TBC1D16: variants seen among roughly 807,000 people sequenced by gnomAD.
TBC1D16 encodes the protein CTD-2529O21.1.
In TBC1D16, 58 loss-of-function variants were observed where a neutral mutation model predicts 74.7. The observed-to-expected ratio is 0.78, with a 90% CI of 0.63 to 0.97. The LOEUF (loss-of-function observed/expected upper bound fraction) is 0.97. Ranked by LOEUF, TBC1D16 falls within the 50% of genes least tolerant of loss-of-function variation. The probability of loss-of-function intolerance (pLI) is 0.00; values close to 1 mark genes in which losing one functional copy is unlikely to be tolerated. For synonymous variants in TBC1D16, 493 were observed against 474.7 expected (o/e 1.04, Z -0.50); for missense variants, 1,014 against 1,079.5 (o/e 0.94, Z 0.85).
chr17:79,942,161 A>AGATGGCCAC lies in TBC1D16; in HGVS notation c.1945_1953dup (p.Val649_Ile651dup). 1.2e-6 allele frequency: 2 copies of AGATGGCCAC among 1,609,526 alleles called. No individual in the cohort carries two copies. The highest frequency in any genetic ancestry group is 1.7e-6 in the Non-Finnish European group (2 of 1,178,342). On this transcript the variant is annotated inframe_insertion, in exon 11 of 12. Transcript: ENST00000310924. ...TGCTGCTCGATGACGTCATCCCCGT[A>AGATGGCCAC]GATGGCCACGATGGCCACGCAGATG...
intron 3 of TBC1D16, among the ~76,000 whole-genome samples, chr17:80,002,293 C>T (rs768752314): frequency 3.3e-5 from 5 of 152,212 alleles, no homozygotes; most frequent in African/African-American, 7.2e-5. Context: ...TGAACGATAA[C>T]GCCGTTAATA....
rs2035480242 is a variant in TBC1D16, at chr17:80,001,409, C to T, written c.779+8751G>A. ...TTTTAAAGAAATAAATCTCAGCTCCCGGTTACAGAAGCACAAACAAACCCA... is the reference window on the plus strand; with the variant it reads ...TTTTAAAGAAATAAATCTCAGCTCCTGGTTACAGAAGCACAAACAAACCCA... On this transcript the variant is annotated intron_variant, in intron 3 of 11. Coordinates refer to ENST00000310924, the MANE Select transcript of TBC1D16 (RefSeq NM_019020.4). This position sits in a 1 kb window ranked among gnomAD's most constrained non-coding sequence, Gnocchi z 5.8. Among the ~76,000 whole-genome samples, 1 of 152,162 alleles carries T rather than the reference C, an allele frequency of 6.6e-6. No homozygotes were observed. The highest frequency in any genetic ancestry group is 1.5e-5 in the Non-Finnish European group (1 of 68,032).
rs2034947790 is a variant in TBC1D16 at position 79,988,768 on chromosome 17, A to C, written c.779+21392T>G. Among the ~76,000 whole-genome samples the C allele has an allele frequency of 6.6e-6, 1 of 152,226 alleles. No homozygotes were observed. The highest frequency in any genetic ancestry group is 1.5e-5 in the Non-Finnish European group (1 of 68,042). ...TTAGAAGGCCCCTGCTTGTTTTATCAGTTAGAGCCACAGAAAATCAAAGTC... is the reference window on the plus strand; with the variant it reads ...TTAGAAGGCCCCTGCTTGTTTTATCCGTTAGAGCCACAGAAAATCAAAGTC... On this transcript the variant is annotated intron_variant, in intron 3 of 11. Transcript: ENST00000310924. This position sits in a 1 kb window ranked among gnomAD's most constrained non-coding sequence, Gnocchi z 5.7.
At chr17:79,953,481 G>A (rs1383993229) in intron 3 of TBC1D16, among the ~76,000 whole-genome samples, 1 of 152,170 alleles carries the variant, frequency 6.6e-6, no homozygotes, top group Non-Finnish European at 1.5e-5. Flanking sequence ...ATGAATAGTG[G>A]TATTACCCCA....
intron 9 of TBC1D16, among the ~76,000 whole-genome samples, chr17:79,947,087 C>T (rs1224986897): frequency 1.3e-5 from 2 of 152,202 alleles, no homozygotes; most frequent in African/African-American, 4.8e-5. Context: ...GGCTCAGCCC[C>T]ACCACCGACA....
intron 8 of TBC1D16, among the ~76,000 whole-genome samples, chr17:79,948,294 CAG>C (rs1296423447): frequency 7.4e-6 from 1 of 135,350 alleles, no homozygotes; most frequent in African/African-American, 2.8e-5. Context: ...GTCTGGATGA[CAG>C]AGCGAGACTC....
In TBC1D16 at chr17:79,936,922, G is replaced by GTGTGTGTGTA. The variant is rs1426315691; in HGVS notation, c.*3936_*3937insTACACACACA. On this transcript the variant is annotated 3_prime_UTR_variant, in exon 12 of 12. Coordinates refer to ENST00000310924, the MANE Select transcript of TBC1D16 (RefSeq NM_019020.4). ...TGTGTGCATGTGCGTGTGTGTGTGTGTGTGTGTGTGTGTGTGTGCGCATTT... is the reference window on the plus strand; with the variant it reads ...TGTGTGCATGTGCGTGTGTGTGTGTGTGTGTGTGTATGTGTGTGTGTGTGTGTGCGCATTT... 1 of 152,032 alleles carries GTGTGTGTGTA rather than the reference G, an allele frequency of 6.6e-6. No homozygotes were observed. Among genetic ancestry groups the GTGTGTGTGTA allele is most frequent in the African/African-American group, 2.5e-5 (1 of 40,632 alleles). The allele number at this position is 152,032 out of a possible 1,614,324, so 9.4% of individuals were successfully genotyped here.
In TBC1D16 at chr17:79,952,611, A is replaced by G. The variant is rs763171734; in HGVS notation, c.941+46T>C. On this transcript the variant is annotated intron_variant, in intron 4 of 11. Coordinates refer to ENST00000310924, the MANE Select transcript of TBC1D16 (RefSeq NM_019020.4). ...TGCAAAGCCCAGGCTGCCAGGGAAA[A>G]CACACACAGGCCAACTCCCAGGAGG... 17 of 1,548,408 alleles carry G rather than the reference A, an allele frequency of 1.1e-5. No individual in the cohort carries two copies. In the East Asian group the frequency reaches 3.9e-4, roughly 35 times the overall value.
intron 1 of TBC1D16, among the ~76,000 whole-genome samples, chr17:80,015,327 G>A (rs1320580214): frequency 2.0e-5 from 3 of 152,160 alleles, no homozygotes; most frequent in East Asian, 1.9e-4. Flanking sequence ...CCAGCTACTC[G>A]GGAGGGTGAG....
Position 79,950,573 on chromosome 17 carries a change from G to T in TBC1D16, c.1095C>A (p.Val365=). The T allele has an allele frequency of 6.2e-7, 1 of 1,611,756 alleles. No homozygotes were observed. Residue 365 remains valine, a synonymous_variant, in exon 6 of 12, where the codon GTC becomes GTA. Transcript: ENST00000310924. This position sits in a 1 kb window ranked among gnomAD's most constrained non-coding sequence, Gnocchi z 4.6. The part of the protein sequence containing the change: ...CTEMQLKDQQ[V]APDKTCMQFS... ...ACTGCATGCATGTCTTATCGGGGGC[G>T]ACCTGCTGGACGGGAGGAAAACTGG...
At position 79,950,515 on chromosome 17, in the gene TBC1D16, C is replaced by T. The variant is rs756823747; in HGVS notation, c.1153G>A (p.Glu385Lys). ...SIRRPKLPSS[E>K]THPEESMYKR... is the part of the protein sequence containing the mutation. ...TACATGCTCTCCTCGGGGTGCGTCTCGGAGGACGGCAGCTTGGGGCGGCGG... is the reference window on the plus strand; with the variant it reads ...TACATGCTCTCCTCGGGGTGCGTCTTGGAGGACGGCAGCTTGGGGCGGCGG... The change falls in exon 6 of 12, where the codon GAG becomes AAG. Residue 385 changes from glutamate (E) to lysine (K), a missense_variant. Transcript: ENST00000310924. The surrounding 1 kb of genome is among the most constrained non-coding windows in gnomAD (Gnocchi z 4.6). The T allele has an allele frequency of 3.1e-6, 5 of 1,613,318 alleles. No homozygotes were observed. In the East Asian group the frequency reaches 1.1e-4, roughly 36 times the overall value.
At chr17:80,015,767 T>G (rs1453284161) in intron 1 of TBC1D16, among the ~76,000 whole-genome samples, 1 of 151,858 alleles carries the variant, frequency 6.6e-6, no homozygotes, top group East Asian at 1.9e-4. Flanking sequence ...TCCCAGCACT[T>G]TGGGAGGCCG....
intron 3 of TBC1D16, among the ~76,000 whole-genome samples, chr17:79,958,985 A>T (rs1331218460): frequency 6.6e-6 from 1 of 152,256 alleles, no homozygotes; most frequent in Non-Finnish European, 1.5e-5. Context: ...ACAACTGTTC[A>T]TCTGAAAAAC....
chr17:79,957,681 C>T (rs2033398093), intron 3 of TBC1D16, among the ~76,000 whole-genome samples: 1 of 151,392 alleles, frequency 6.6e-6, no homozygotes, highest in African/African-American at 2.4e-5. Context: ...GTGTGAATGC[C>T]GACAAACTAT....
chr17:80,001,705 G>C lies in TBC1D16; in HGVS notation c.779+8455C>G, dbSNP rs1304221207. On this transcript the variant is annotated intron_variant, in intron 3 of 11. Coordinates refer to ENST00000310924, the MANE Select transcript of TBC1D16 (RefSeq NM_019020.4). This position sits in a 1 kb window ranked among gnomAD's most constrained non-coding sequence, Gnocchi z 5.8. ...CTCCCCTGGGTGGCGGCAGCTCCTG[G>C]ATATCTGTGCTGCACCTGCCCCTGG... Among the ~76,000 whole-genome samples, 2 of 152,086 alleles carry C rather than the reference G, an allele frequency of 1.3e-5. No homozygotes were observed. Among genetic ancestry groups the C allele is most frequent in the Non-Finnish European group, 2.9e-5 (2 of 67,992 alleles).
Position 79,938,567 on chromosome 17 carries a change from A to G in TBC1D16, c.*2292T>C, listed in dbSNP as rs904534847. ...ATCTAGTGAAATGCTAGGACCAGGG[A>G]CGCTATTCCCCTGGAGCAGGCGGGT... On this transcript the variant is annotated 3_prime_UTR_variant, in exon 12 of 12. Coordinates refer to ENST00000310924, the MANE Select transcript of TBC1D16 (RefSeq NM_019020.4). 1 of 152,244 alleles carries G rather than the reference A, an allele frequency of 6.6e-6. No individual in the cohort carries two copies. The highest frequency in any genetic ancestry group is 6.5e-5 in the Admixed American group (1 of 15,278). The allele number at this position is 152,244 out of a possible 1,614,324, so 9.4% of individuals were successfully genotyped here.
chr17:80,004,474 T>G (rs1288748209), intron 3 of TBC1D16, among the ~76,000 whole-genome samples: 2 of 152,100 alleles, frequency 1.3e-5, no homozygotes, highest in African/African-American at 2.4e-5. Context: ...AGATGGTGCC[T>G]CCTCCTCATA....
At position 79,979,980 on chromosome 17, in the gene TBC1D16, C is replaced by T. The variant is rs981276352; in HGVS notation, c.780-27162G>A. The stretch of plus-strand genomic sequence containing the variant: ...GGCCAAACACAAGAAGCCCTCAGGC[C>T]TGCCCAACACGGCTGTGGGCACCGG... On this transcript the variant is annotated intron_variant, in intron 3 of 11. Transcript: ENST00000310924. The surrounding 1 kb of genome is among the most constrained non-coding windows in gnomAD (Gnocchi z 4.8). 1.3e-5 allele frequency among the ~76,000 whole-genome samples: 2 copies of T among 152,118 alleles called. No homozygotes were observed. The highest frequency in any genetic ancestry group is 2.9e-5 in the Non-Finnish European group (2 of 68,028).
rs1427073099 is a variant in TBC1D16, at chr17:79,949,851, G to A, written c.1272C>T (p.Gly424=). Residue 424 remains glycine (G), a synonymous_variant, in exon 7 of 12, where the codon GGC becomes GGT. Transcript: ENST00000310924. Reference sequence around the variant, plus strand: ...CCCCGCGGATTGACACATCAATACCGCCAAAGAAAATGGCCTGGAGGAAGC... The same window carrying A: ...CCCCGCGGATTGACACATCAATACCACCAAAGAAAATGGCCTGGAGGAAGC... ...EYKLRKAIFF[G]GIDVSIRGEV... is the part of the protein sequence containing the mutation. 2.5e-6 allele frequency: 4 copies of A among 1,613,028 alleles called. No homozygotes were observed. In the Admixed American group the frequency reaches 5.0e-5, roughly 20 times the overall value.
Sources: gnomAD v4.1 joint callset for allele counts (sites outside exome capture counted in the v4.1 genomes callset) on GRCh38, gnomAD v4.1.1 for gene constraint, Gnocchi (gnomAD v3.1) non-coding constraint, MANE v1.5 for transcripts, NCBI Gene and HGNC (gene_info 2026-07-23, HGNC 2026-07-21) for gene names.